Variants in COPS5 observed in about 807,000 individuals in gnomAD.
COPS5 encodes COP9 signalosome subunit 5, also known as COP9 signalosome complex subunit 5.
A neutral mutation model predicts 44.4 loss-of-function variants in COPS5; 8 were observed. The observed-to-expected ratio is 0.18, with a 90% CI of 0.11 to 0.32. The LOEUF is 0.32. Among genes scored for constraint, COPS5 ranks in the 10% least tolerant of loss-of-function variants. COPS5 has a pLI of 1.00. For synonymous variants in COPS5, 122 were observed against 142.8 expected, an observed-to-expected ratio of 0.85 and a Z score of 1.04; for missense variants, 159 against 406.4, an observed-to-expected ratio of 0.39 and a Z score of 5.23.
rs749363440 is a variant in COPS5 at position 67,057,361 on chromosome 8, TA to T, written c.573+18del. 0.13 allele frequency: 132,453 copies of T among 1,056,460 alleles called. No homozygotes were observed. The highest frequency in any genetic ancestry group is 0.16 in the South Asian group (9,368 of 58,818). The allele number at this position is 1,056,460 out of a possible 1,614,324, so 65.4% of individuals were successfully genotyped here. A position where few individuals can be genotyped will look rare whatever the true frequency, so the allele number is the denominator to read the frequency against. On this transcript the variant is annotated intron_variant, in intron 4 of 7. Transcript: ENST00000357849. The stretch of plus-strand genomic sequence containing the variant: ...GGTAACACAGTGAGACTCTAACTCT[TA>T]AAAAAAAAAAAAGTTACCTTTGGGT...
intron 2 of COPS5, among the ~76,000 whole-genome samples, chr8:67,058,985 C>A (rs1369869489): frequency 6.7e-6 from 1 of 149,058 alleles, no homozygotes; most frequent in Admixed American, 6.7e-5. Flanking sequence ...GCCTGGGCAA[C>A]AGAGTGAGTC....
chr8:67,050,558 A>AGAGTGTGT (rs1554544964), intron 6 of COPS5, among the ~76,000 whole-genome samples: 1 of 140,996 alleles, frequency 7.1e-6, no homozygotes, highest in African/African-American at 2.6e-5. Flanking sequence ...TGTGAGTGTG[A>AGAGTGTGT]GTGTGTGTGT....
chr8:67,050,192 G>A (rs1409748996), intron 6 of COPS5, among the ~76,000 whole-genome samples: 1 of 151,812 alleles, frequency 6.6e-6, no homozygotes, highest in Non-Finnish European at 1.5e-5. Flanking sequence ...TAGTAGAGAC[G>A]GGGTTTCACC....
At chr8:67,057,811 G>A (rs1191649413) in intron 3 of COPS5, among the ~76,000 whole-genome samples, 1 of 152,172 alleles carries the variant, frequency 6.6e-6, no homozygotes, top group Non-Finnish European at 1.5e-5. Context: ...GCTTAACTCA[G>A]TTCAGTCAAC....
intron 1 of COPS5, chr8:67,061,607 G>A (rs951998774): frequency 1.7e-5 from 9 of 517,774 alleles, no homozygotes; most frequent in Admixed American, 3.2e-5. Flanking sequence ...ATGTTCAGAA[G>A]TGACAACTTA....
rs960431597 is a variant in COPS5 at position 67,043,167 on chromosome 8, T to C, written c.*66A>G. 15 of 940,020 alleles carry C rather than the reference T, an allele frequency of 1.6e-5. No homozygotes were observed. The highest frequency in any genetic ancestry group is 2.4e-5 in the Non-Finnish European group (14 of 594,394). The allele number at this position is 940,020 out of a possible 1,614,324, so 58.2% of individuals were successfully genotyped here. The stretch of plus-strand genomic sequence containing the variant: ...TTCTAATCAGATTTTGGGTAACTGG[T>C]TTTAAAGTGTTACTTGAATATTTTT... On this transcript the variant is annotated 3_prime_UTR_variant, in exon 8 of 8. Coordinates refer to ENST00000357849, the MANE Select transcript of COPS5 (RefSeq NM_006837.3).
intron 4 of COPS5, 81 bp from the exon 5 acceptor site, chr8:67,056,685 AT>A (rs1804516890): frequency 2.3e-5 from 3 of 128,798 alleles, no homozygotes; most frequent in African/African-American, 3.7e-5. Flanking sequence ...ATATATATAT[AT>A]ATATATATAT....
intron 7 of COPS5, 67 bp from the exon 8 acceptor site, chr8:67,043,384 C>A: frequency 1.0e-6 from 1 of 961,716 alleles, no homozygotes. Flanking sequence ...ACAAGATCAG[C>A]CCCAATCCAT....
chr8:67,058,205 G>A lies in COPS5; in HGVS notation c.385C>T (p.Arg129Cys), dbSNP rs1254987524. 6.2e-7 allele frequency: 1 copy of A among 1,612,720 alleles called. No individual in the cohort carries two copies. Among genetic ancestry groups the A allele is most frequent in the Non-Finnish European group, 8.5e-7 (1 of 1,179,102 alleles). The change falls in exon 3 of 8, where the codon CGC (arginine) becomes TGC (cysteine). Residue 129 changes from arginine to cysteine, a missense_variant. Coordinates refer to ENST00000357849, the MANE Select transcript of COPS5 (RefSeq NM_006837.3). ...TACCACCCGATTGCATTTTCAAGGCGGCCAACCTAACAAATGAAGGGGCAA... is the reference window on the plus strand; with the variant it reads ...TACCACCCGATTGCATTTTCAAGGCAGCCAACCTAACAAATGAAGGGGCAA... The part of the protein sequence containing the change: ...AYIENAKQVG[R>C]LENAIGWYHS...
Position 67,060,603 on chromosome 8 carries a change from T to G in COPS5, c.144-1158A>C. ...TCCTATTACATACATTCTAGACGAC[T>G]CTTTTTATACATTATCTCACCTAAT... On this transcript the variant is annotated intron_variant, in intron 1 of 7. Transcript: ENST00000357849. 4 of 773,816 alleles carry G rather than the reference T, an allele frequency of 5.2e-6. No homozygotes were observed. In the South Asian group the frequency reaches 6.0e-5, roughly 12 times the overall value. 47.9% of individuals were successfully genotyped at this position (773,816 alleles called of 1,614,324 possible).
Position 67,043,618 on chromosome 8 carries a change from AT to A in COPS5, c.921-302del, listed in dbSNP as rs528120287. On this transcript the variant is annotated intron_variant, in intron 7 of 7. Coordinates refer to ENST00000357849, the MANE Select transcript of COPS5 (RefSeq NM_006837.3). ...GTAATTAGAGATTGATTCTAATATT[AT>A]ATTATATTAAAATCTGTTATTCCTT... 4.5e-3 allele frequency: 713 copies of A among 156,808 alleles called. 11 individuals are homozygous for A. The highest frequency in any genetic ancestry group is 0.025 in the African/African-American group (669 of 26,672). 9.7% of individuals were successfully genotyped at this position (156,808 alleles called of 1,614,324 possible).
At chr8:67,057,732 C>G (rs1804533747) in intron 3 of COPS5, among the ~76,000 whole-genome samples, 1 of 152,196 alleles carries the variant, frequency 6.6e-6, no homozygotes, top group Non-Finnish European at 1.5e-5. Context: ...ATAACTCCTA[C>G]CTTCCTCATA....
intron 4 of COPS5, 31 bp from the exon 5 acceptor site, chr8:67,056,635 A>AG (rs765024137): frequency 5.0e-5 from 4 of 79,416 alleles, no homozygotes; most frequent in Admixed American, 4.1e-4. Context: ...CAGAAGATTA[A>AG]GAAAAAAAAA....
At chr8:67,043,648 T>C (rs1004588382) in intron 7 of COPS5, 24 of 163,538 alleles carry the variant, frequency 1.5e-4, no homozygotes, top group Admixed American at 7.0e-4. Context: ...ATTCCTTGTT[T>C]ATTACTTAGG....
chr8:67,046,664 T>C (rs964220439), intron 6 of COPS5, among the ~76,000 whole-genome samples: 1 of 150,680 alleles, frequency 6.6e-6, no homozygotes, highest in Non-Finnish European at 1.5e-5. Context: ...CTACTAAAAA[T>C]ACAAAAAAAT....
At chr8:67,061,538 A>G (rs796535903) in intron 1 of COPS5, 1 of 439,362 alleles carries the variant, frequency 2.3e-6, no homozygotes, top group South Asian at 1.9e-5. Context: ...GAAGACCCAA[A>G]CAAGGTGCAT....
intron 7 of COPS5, chr8:67,044,111 T>C (rs1299872699): frequency 6.6e-6 from 1 of 152,106 alleles, no homozygotes; most frequent in Non-Finnish European, 1.5e-5. Context: ...GGCACAATCA[T>C]GGGTCACTGC....
chr8:67,057,284 G>T, intron 4 of COPS5, 96 bp downstream of exon 4: 1 of 641,578 alleles, frequency 1.6e-6, no homozygotes, highest in Non-Finnish European at 2.5e-6. Context: ...AGGCGATGAA[G>T]GCTGTAGTAC....
chr8:67,054,526 A>G (rs990740667), intron 5 of COPS5, among the ~76,000 whole-genome samples: 2 of 152,206 alleles, frequency 1.3e-5, no homozygotes, highest in African/African-American at 4.8e-5. Flanking sequence ...GTCCCTGGGC[A>G]ACCTAGTGAG....
Sources: allele counts gnomAD v4.1 joint callset (sites outside exome capture counted in the v4.1 genomes callset), GRCh38; gene constraint gnomAD v4.1.1; transcripts MANE v1.5; gene names NCBI Gene and HGNC (gene_info 2026-07-23, HGNC 2026-07-21).